The following ADCY6 variants were observed in gnomAD, a reference collection of about 807,000 sequenced individuals.
ADCY6 encodes adenylate cyclase 6.
ADCY6 carries 59 observed loss-of-function variants against 111.6 expected under a neutral mutation model. The observed-to-expected ratio is 0.53, with a 90% confidence interval of 0.43 to 0.66. The LOEUF is 0.66. Among genes scored for constraint, ADCY6 ranks in the 30% least tolerant of loss-of-function variants. The probability of loss-of-function intolerance (pLI) is 0.00; values close to 1 mark genes in which losing one functional copy is unlikely to be tolerated. For missense variants in ADCY6, 1,242 were observed against 1,595.6 expected (o/e 0.78, Z 3.78); for synonymous variants, 576 against 642.9 (o/e 0.90, Z 1.57).
At position 48,777,369 on chromosome 12, in the gene ADCY6, G is replaced by A. The variant is rs746543043; in HGVS notation, c.1248+41C>T. The A allele has an allele frequency of 1.6e-5, 25 of 1,608,490 alleles. No individual in the cohort carries two copies. Among genetic ancestry groups the A allele is most frequent in the South Asian group, 3.3e-5 (3 of 90,782 alleles). ...GCCAGCAAAGCTATGCTCTCACCAC[G>A]GTCAACACCCAGGCCCAATCCCAAG... On this transcript the variant is annotated intron_variant, in intron 5 of 21. Transcript: ENST00000357869. This position sits in a 1 kb window ranked among gnomAD's most constrained non-coding sequence, Gnocchi z 4.9.
Position 48,783,302 on chromosome 12 carries a change from T to G in ADCY6, c.133A>C (p.Ser45Arg), listed in dbSNP as rs2137388865. 6.2e-7 allele frequency: 1 copy of G among 1,613,366 alleles called. No individual in the cohort carries two copies. The highest frequency in any genetic ancestry group is 2.2e-5 in the East Asian group (1 of 44,868). Residue 45 changes from serine (S) to arginine (R), a missense_variant, in exon 2 of 22, where the codon AGC becomes CGC. This residue lies in a region of ADCY6 where 362 missense variants were observed against 377.2 expected (regional missense o/e 0.96). Transcript: ENST00000357869. ...GGTGGCTCTGCATCCCGGAGGCAGC[T>G]CATATAGCGGGGCGTGCAGAAGCCA... The part of the protein sequence containing the change: ...AGGFCTPRYM[S>R]CLRDAEPPSP...
At position 48,777,968 on chromosome 12, in the gene ADCY6, T is replaced by G; in HGVS notation, c.1014+140A>C. The G allele has an allele frequency of 7.6e-7, 1 of 1,316,110 alleles. No individual in the cohort carries two copies. The highest frequency in any genetic ancestry group is 1.5e-5 in the South Asian group (1 of 68,744). The allele number at this position is 1,316,110 out of a possible 1,614,324, so 81.5% of individuals were successfully genotyped here. A position where few individuals can be genotyped will look rare whatever the true frequency, so the allele number is the denominator to read the frequency against. ...TCCCTTGGACAGGACAAAACCCCAG[T>G]ATCACAGGGCCTCTGTGACGCACAA... On this transcript the variant is annotated intron_variant, in intron 3 of 21. Transcript: ENST00000357869. The surrounding 1 kb of genome is among the most constrained non-coding windows in gnomAD (Gnocchi z 4.9).
Position 48,770,997 on chromosome 12 carries a change from T to A in ADCY6, c.3052-27A>T, listed in dbSNP as rs531480780. 5 of 1,607,256 alleles carry A rather than the reference T, an allele frequency of 3.1e-6. No individual in the cohort carries two copies. The South Asian group carries it at 5.5e-5, about 18-fold the overall frequency. On this transcript the variant is annotated intron_variant, in intron 19 of 21. Transcript: ENST00000357869. ...TGAACAACACAAGGAGACCTGGCTG[T>A]CAAGGCAAAGACCCCAGACCCAGCC... is the stretch of plus-strand genomic sequence containing the variant.
rs568963907 is a variant in ADCY6, at chr12:48,767,134, C to T, written c.*1457G>A. Reference sequence around the variant, plus strand: ...AGAGGGATTCCATGCTACCCCAGCCCCAAAGCATACCATGTCCCAGGACAC... The same window carrying T: ...AGAGGGATTCCATGCTACCCCAGCCTCAAAGCATACCATGTCCCAGGACAC... On this transcript the variant is annotated 3_prime_UTR_variant, in exon 22 of 22. Coordinates refer to ENST00000357869, the MANE Select transcript of ADCY6 (RefSeq NM_015270.5). The T allele has an allele frequency of 6.5e-6, 1 of 152,804 alleles. No individual in the cohort carries two copies. The highest frequency in any genetic ancestry group is 1.9e-4 in the East Asian group (1 of 5,170). 9.5% of individuals were successfully genotyped at this position (152,804 alleles called of 1,614,324 possible). A position where few individuals can be genotyped will look rare whatever the true frequency, so the allele number is the denominator to read the frequency against.
chr12:48,789,571 T>A (rs1412305081), upstream of ADCY6: 1 of 139,106 alleles, frequency 7.2e-6, no homozygotes, highest in African/African-American at 2.6e-5. Context: ...AATTCCTCCC[T>A]GCCCCTGCCC....
At chr12:48,785,334 T>C (rs535732821) in intron 1 of ADCY6, among the ~76,000 whole-genome samples, 5 of 152,296 alleles carry the variant, frequency 3.3e-5, no homozygotes, top group Non-Finnish European at 5.9e-5. Context: ...CAAGTGTTCA[T>C]TGAGGCCAGG....
At position 48,773,760 on chromosome 12, in the gene ADCY6, C is replaced by T. The variant is rs886727330; in HGVS notation, c.2443-113G>A. On this transcript the variant is annotated intron_variant, in intron 15 of 21. Coordinates refer to ENST00000357869, the MANE Select transcript of ADCY6 (RefSeq NM_015270.5). ...TAACCTTCCCACCACACCCCTCAAACCCCCATATCCTCCACCTTCCATGCC... is the reference window on the plus strand; with the variant it reads ...TAACCTTCCCACCACACCCCTCAAATCCCCATATCCTCCACCTTCCATGCC... The T allele has an allele frequency of 3.4e-6, 5 of 1,464,236 alleles. No individual in the cohort carries two copies. The African/African-American group carries it at 4.2e-5, about 12-fold the overall frequency. The allele number at this position is 1,464,236 out of a possible 1,614,324, so 90.7% of individuals were successfully genotyped here. A position where few individuals can be genotyped will look rare whatever the true frequency, so the allele number is the denominator to read the frequency against.
Position 48,770,882 on chromosome 12 carries a change from G to C in ADCY6, c.3140C>G (p.Thr1047Ser). 2 of 1,614,236 alleles carry C rather than the reference G, an allele frequency of 1.2e-6. No individual in the cohort carries two copies. Among genetic ancestry groups the C allele is most frequent in the South Asian group, 2.2e-5 (2 of 91,090 alleles). The change falls in exon 20 of 22, where the codon ACC (threonine) becomes AGC (serine). Residue 1047 changes from threonine (T) to serine (S), a missense_variant. Physicochemically the swap from Thr to Ser is moderately conservative, Grantham distance 58. Around this residue, in one of 4 missense-constraint regions of ADCY6, gnomAD observed 245 missense variants for 371.3 expected, o/e 0.66. Coordinates refer to ENST00000357869, the MANE Select transcript of ADCY6 (RefSeq NM_015270.5). Reference sequence around the variant, plus strand: ...GTGGGAGCGGCCCACCTGATCGTAGGTGCTGGCGTTCAGCCCTGAGGCAGC... The same window carrying C: ...GTGGGAGCGGCCCACCTGATCGTAGCTGCTGGCGTTCAGCCCTGAGGCAGC... ...YMAASGLNASTYDQVGRSHIT... is the reference protein window; with the variant it reads ...YMAASGLNASSYDQVGRSHIT...
At chr12:48,785,995 C>T (rs1941972753) in intron 1 of ADCY6, among the ~76,000 whole-genome samples, 1 of 152,120 alleles carries the variant, frequency 6.6e-6, no homozygotes, top group African/African-American at 2.4e-5. Flanking sequence ...GAGCCCAGGT[C>T]AGAATAAGAT....
At chr12:48,780,943 G>A (rs1008989364) in intron 2 of ADCY6, among the ~76,000 whole-genome samples, 2 of 152,210 alleles carry the variant, frequency 1.3e-5, no homozygotes, top group Non-Finnish European at 2.9e-5. Flanking sequence ...GCTCACGCTT[G>A]TAATCCCAGC....
chr12:48,787,608 C>A (rs1343480771), intron 1 of ADCY6, among the ~76,000 whole-genome samples: 3 of 152,170 alleles, frequency 2.0e-5, no homozygotes. Context: ...TCTATATGGT[C>A]CCCCAACCCA....
At chr12:48,773,005 G>A (rs1425502993) in intron 16 of ADCY6, among the ~76,000 whole-genome samples, 3 of 152,154 alleles carry the variant, frequency 2.0e-5, no homozygotes, top group Non-Finnish European at 4.4e-5. Flanking sequence ...CAGCAGAGCA[G>A]GGATTCAAAC....
Position 48,771,638 on chromosome 12 carries a change from A to T in ADCY6, c.3051+72T>A, listed in dbSNP as rs1941546108. On this transcript the variant is annotated intron_variant, in intron 19 of 21. Coordinates refer to ENST00000357869, the MANE Select transcript of ADCY6 (RefSeq NM_015270.5). This position sits in a 1 kb window ranked among gnomAD's most constrained non-coding sequence, Gnocchi z 4.3. ...AATCTCTCTCTCTCTTCCCAGTTCC[A>T]CTCACCCATTCCAATCCCTGGTCTC... 2 of 1,598,214 alleles carry T rather than the reference A, an allele frequency of 1.3e-6. No homozygotes were observed. The highest frequency in any genetic ancestry group is 1.7e-6 in the Non-Finnish European group (2 of 1,172,878).
At chr12:48,783,487 G>C (rs1381716850) in intron 1 of ADCY6, 49 bp from the exon 2 acceptor site, 27 of 1,610,240 alleles carry the variant, frequency 1.7e-5, no homozygotes, top group Non-Finnish European at 2.3e-5. Flanking sequence ...AGTAGGAGTG[G>C]TATTAATACC....
Position 48,768,475 on chromosome 12 carries a change from T to C in ADCY6, c.*116A>G. ...GCACAGCCTGCTGGGATGTTCCCTT[T>C]TGTGGTTAGCAGGGTCTGGAGGCTC... On this transcript the variant is annotated 3_prime_UTR_variant, in exon 22 of 22. Transcript: ENST00000357869. The C allele has an allele frequency of 6.8e-7, 1 of 1,469,212 alleles. No individual in the cohort carries two copies. The highest frequency in any genetic ancestry group is 1.2e-5 in the South Asian group (1 of 86,188). The allele number at this position is 1,469,212 out of a possible 1,614,324, so 91.0% of individuals were successfully genotyped here.
chr12:48,782,645 C>T lies in ADCY6; in HGVS notation c.790G>A (p.Gly264Ser). ...AAATGCAAGGTGGAGAGGCCCAGGC[C>T]GCTGAGGACGGCAGCCCGCATGCGG... ...PIRMRAAVLS[G>S]LGLSTLHLIL... is the part of the protein sequence containing the mutation. Residue 264 changes from glycine to serine, a missense_variant, in exon 2 of 22, where the codon GGC (glycine) becomes AGC (serine). Physicochemically the swap from Gly to Ser is moderately conservative, Grantham distance 56. Around this residue, in one of 4 missense-constraint regions of ADCY6, gnomAD observed 260 missense variants for 414.6 expected, o/e 0.63. Coordinates refer to ENST00000357869, the MANE Select transcript of ADCY6 (RefSeq NM_015270.5). This position sits in a 1 kb window ranked among gnomAD's most constrained non-coding sequence, Gnocchi z 4.3. The T allele has an allele frequency of 6.2e-7, 1 of 1,606,396 alleles. No individual in the cohort carries two copies.
Position 48,771,126 on chromosome 12 carries a change from G to A in ADCY6, c.3052-156C>T, listed in dbSNP as rs1292369835. Reference sequence around the variant, plus strand: ...GCTATCAGTGTAAGACTGAGGAGCTGGGAAAACAGGCAGCCTAGGACTCCA... The same window carrying A: ...GCTATCAGTGTAAGACTGAGGAGCTAGGAAAACAGGCAGCCTAGGACTCCA... On this transcript the variant is annotated intron_variant, in intron 19 of 21. Coordinates refer to ENST00000357869, the MANE Select transcript of ADCY6 (RefSeq NM_015270.5). This position sits in a 1 kb window ranked among gnomAD's most constrained non-coding sequence, Gnocchi z 4.3. The A allele has an allele frequency of 4.1e-6, 3 of 733,746 alleles. No homozygotes were observed. Among genetic ancestry groups the A allele is most frequent in the Non-Finnish European group, 4.4e-6 (2 of 455,942 alleles). The allele number at this position is 733,746 out of a possible 1,614,324, so 45.5% of individuals were successfully genotyped here.
At position 48,783,141 on chromosome 12, in the gene ADCY6, CGTT is replaced by C; in HGVS notation, c.291_293del (p.Thr99del). The C allele has an allele frequency of 1.2e-6, 2 of 1,608,310 alleles. No individual in the cohort carries two copies. The highest frequency in any genetic ancestry group is 1.7e-6 in the Non-Finnish European group (2 of 1,179,400). On this transcript the variant is annotated inframe_deletion, in exon 2 of 22. Coordinates refer to ENST00000357869, the MANE Select transcript of ADCY6 (RefSeq NM_015270.5). The stretch of plus-strand genomic sequence containing the variant: ...CCACCTCAGCCGTCCCGCCCGCTGT[CGTT>C]GTCACCTCGGTATCCTCGAAGCCCA...
chr12:48,772,838 T>C (rs113964603), intron 16 of ADCY6, among the ~76,000 whole-genome samples: 13 of 152,320 alleles, frequency 8.5e-5, no homozygotes, highest in African/African-American at 2.4e-4. Context: ...GTAAAAGGCT[T>C]AGCACAGTGC....
Sources: gnomAD v4.1 joint callset for allele counts (sites outside exome capture counted in the v4.1 genomes callset) on GRCh38, gnomAD v4.1.1 for gene constraint, gnomAD v4.1.1 regional missense constraint, Gnocchi (gnomAD v3.1) non-coding constraint, MANE v1.5 for transcripts, NCBI Gene and HGNC (gene_info 2026-07-23, HGNC 2026-07-21) for gene names.